The following CRPPA variants were observed in gnomAD, a reference collection of about 807,000 sequenced individuals.
CRPPA encodes CDP-L-ribitol pyrophosphorylase A.
CRPPA carries 43 observed loss-of-function variants against 52.0 expected under a neutral mutation model. The ratio of observed to expected loss-of-function variants is 0.83; its 90% CI spans 0.65 to 1.07. CRPPA has a LOEUF of 1.07. Ranked by LOEUF, CRPPA falls within the 50% of genes least tolerant of loss-of-function variation. CRPPA has a pLI of 0.00. For missense variants in CRPPA, 629 were observed against 551.7 expected (o/e 1.14, Z -1.40); for synonymous variants, 250 against 203.5 (o/e 1.23, Z -1.94).
intron 9 of CRPPA, among the ~76,000 whole-genome samples, chr7:16,139,171 C>A (rs759160074): frequency 9.9e-5 from 15 of 152,076 alleles, no homozygotes; most frequent in Admixed American, 3.3e-4. Flanking sequence ...GAAGAGGCAG[C>A]GTGGAGTATT....
intron 4 of CRPPA, among the ~76,000 whole-genome samples, chr7:16,304,267 C>T (rs1186001378): frequency 6.6e-6 from 1 of 151,958 alleles, no homozygotes; most frequent in Non-Finnish European, 1.5e-5. Context: ...GCTTATCGCC[C>T]TGGTGGGGGT....
Position 16,091,661 on chromosome 7 carries a change from G to C in CRPPA, c.*34C>G, listed in dbSNP as rs16878689. 61,924 of 1,190,132 alleles carry C rather than the reference G, an allele frequency of 0.052. 1,910 individuals are homozygous for C. The highest frequency in any genetic ancestry group is 0.061 in the Non-Finnish European group (49,836 of 823,398). 73.7% of individuals were successfully genotyped at this position (1,190,132 alleles called of 1,614,324 possible). On this transcript the variant is annotated 3_prime_UTR_variant, in exon 10 of 10. Coordinates refer to ENST00000407010, the MANE Select transcript of CRPPA (RefSeq NM_001101426.4). ...AAAGCACAATTAAGATACGCAAATAGATGTTTTAGAAAATAGGTAATTTTT... is the reference window on the plus strand; with the variant it reads ...AAAGCACAATTAAGATACGCAAATACATGTTTTAGAAAATAGGTAATTTTT...
chr7:16,360,634 A>G (rs1444306268), intron 3 of CRPPA, among the ~76,000 whole-genome samples: 1 of 152,100 alleles, frequency 6.6e-6, no homozygotes, highest in East Asian at 1.9e-4. Context: ...GACAAGAAAC[A>G]CTCTTCAACA....
intron 9 of CRPPA, among the ~76,000 whole-genome samples, chr7:16,194,234 C>A (rs1427120683): frequency 6.6e-6 from 1 of 152,068 alleles, no homozygotes; most frequent in South Asian, 2.1e-4. Context: ...GATTTTAATT[C>A]ATTAGACATA....
chr7:16,330,320 CAT>C (rs1294693082), intron 3 of CRPPA, among the ~76,000 whole-genome samples: 1 of 152,164 alleles, frequency 6.6e-6, no homozygotes, highest in Non-Finnish European at 1.5e-5. Context: ...ATCGTCAAGA[CAT>C]ATGTTTTTTG....
chr7:16,209,271 G>GTTTTTTTTTTTTTTTT, intron 9 of CRPPA: 3 of 137,670 alleles, frequency 2.2e-5, no homozygotes, highest in Non-Finnish European at 4.9e-5. Flanking sequence ...GGTTCTAAGT[G>GTTTTTTTTTTTTTTTT]TCTTTTTTTT....
intron 5 of CRPPA, among the ~76,000 whole-genome samples, chr7:16,292,863 C>T (rs1784590711): frequency 6.6e-6 from 1 of 151,860 alleles, no homozygotes; most frequent in South Asian, 2.1e-4. Context: ...TAAAAAATTC[C>T]TTACTTTCCT....
At chr7:16,307,383 C>T (rs1173108599) in intron 4 of CRPPA, among the ~76,000 whole-genome samples, 1 of 151,904 alleles carries the variant, frequency 6.6e-6, no homozygotes, top group Admixed American at 6.6e-5. Flanking sequence ...GTATTCTATT[C>T]CCTCCAAAAG....
At chr7:16,305,543 T>C (rs1784889238) in intron 4 of CRPPA, among the ~76,000 whole-genome samples, 1 of 152,124 alleles carries the variant, frequency 6.6e-6, no homozygotes, top group African/African-American at 2.4e-5. Context: ...CTACAGTGAA[T>C]TACTACAAAC....
chr7:16,155,224 T>C (rs1458695253), intron 9 of CRPPA, among the ~76,000 whole-genome samples: 1 of 152,158 alleles, frequency 6.6e-6, no homozygotes, highest in African/African-American at 2.4e-5. Context: ...ATCAGTGTCA[T>C]AAATAGTCTA....
chr7:16,287,369 T>C (rs1452952946), intron 5 of CRPPA, among the ~76,000 whole-genome samples: 4 of 152,184 alleles, frequency 2.6e-5, no homozygotes, highest in African/African-American at 9.6e-5. Flanking sequence ...GAACTCTGCT[T>C]ATGATTTCTC....
At chr7:16,396,957 A>G (rs1787594804) in intron 2 of CRPPA, among the ~76,000 whole-genome samples, 1 of 152,252 alleles carries the variant, frequency 6.6e-6, no homozygotes, top group South Asian at 2.1e-4. Context: ...CATGTGATGG[A>G]AGACACGTGT....
intron 8 of CRPPA, among the ~76,000 whole-genome samples, chr7:16,250,072 C>A (rs1005551649): frequency 1.3e-5 from 2 of 152,156 alleles, no homozygotes; most frequent in African/African-American, 4.8e-5. Context: ...AGCACAAGAA[C>A]TTCGTGAAGC....
At chr7:16,155,855 A>G (rs1276547596) in intron 9 of CRPPA, among the ~76,000 whole-genome samples, 1 of 152,148 alleles carries the variant, frequency 6.6e-6, no homozygotes, top group Non-Finnish European at 1.5e-5. Context: ...CTAGGCATGT[A>G]CAAAAGAAAC....
At chr7:16,254,812 A>AGAAAGAAAGAAAGAAAGAAC (rs1562588679) in intron 8 of CRPPA, among the ~76,000 whole-genome samples, 22 of 147,178 alleles carry the variant, frequency 1.5e-4, no homozygotes, top group Admixed American at 8.8e-4. Context: ...AAAGAAAGAA[A>AGAAAGAAAGAAAGAAAGAAC]GAAAGAAAGA....
At chr7:16,370,279 C>G (rs1786714747) in intron 3 of CRPPA, among the ~76,000 whole-genome samples, 1 of 152,188 alleles carries the variant, frequency 6.6e-6, no homozygotes, top group Admixed American at 6.5e-5. Context: ...TCTGGGTGCC[C>G]AGCCTTGTGG....
At chr7:16,344,465 T>C (rs1785954161) in intron 3 of CRPPA, among the ~76,000 whole-genome samples, 1 of 150,220 alleles carries the variant, frequency 6.7e-6, no homozygotes, top group African/African-American at 2.4e-5. Flanking sequence ...TCCTGCCTAC[T>C]TGAGTGGATC....
At chr7:16,283,555 T>C (rs577537151) in intron 5 of CRPPA, among the ~76,000 whole-genome samples, 1 of 149,650 alleles carries the variant, frequency 6.7e-6, no homozygotes, top group African/African-American at 2.4e-5. Context: ...ACTATATATG[T>C]GTGTGTGTGT....
chr7:16,392,826 C>T lies in CRPPA; in HGVS notation c.534+13235G>A, dbSNP rs186298563. On this transcript the variant is annotated intron_variant, in intron 2 of 9. Transcript: ENST00000407010. ...CTCATACACCCAGCCTCCTCCCCTA[C>T]CCAACAAACAGTGAAAAGCAGACAG... Among the ~76,000 whole-genome samples, 630 of 152,154 alleles carry T rather than the reference C, an allele frequency of 4.1e-3. 12 individuals are homozygous for T. Among genetic ancestry groups the T allele is most frequent in the Non-Finnish European group, 5.7e-3 (387 of 67,960 alleles).
Sources: allele counts gnomAD v4.1 joint callset (sites outside exome capture counted in the v4.1 genomes callset), GRCh38; gene constraint gnomAD v4.1.1; transcripts MANE v1.5; gene names NCBI Gene and HGNC (gene_info 2026-07-23, HGNC 2026-07-21).